The following TMTC1 variants were observed in gnomAD, a reference collection of about 807,000 sequenced individuals.
TMTC1 encodes the protein transmembrane O-mannosyltransferase targeting cadherins 1, also known as protein O-mannosyl-transferase TMTC1.
Under a neutral mutation model 104.8 loss-of-function variants are expected in TMTC1, and 73 were observed. The ratio of observed to expected loss-of-function variants is 0.70; its 90% CI spans 0.58 to 0.85. TMTC1 has a LOEUF of 0.85. Among genes scored for constraint, TMTC1 ranks in the 40% least tolerant of loss-of-function variants. The pLI, the probability that TMTC1 is intolerant of heterozygous loss-of-function variation, is 0.00. For synonymous variants in TMTC1, 434 were observed against 428.7 expected (o/e 1.01, Z -0.15); for missense variants, 1,035 against 1,096.1 (o/e 0.94, Z 0.79).
chr12:29,575,439 AAG>A (rs1349845825), intron 8 of TMTC1, among the ~76,000 whole-genome samples: 5 of 151,732 alleles, frequency 3.3e-5, no homozygotes, highest in Non-Finnish European at 7.4e-5. Flanking sequence ...GCCGTTGGGG[AAG>A]TATGTTAAGG....
chr12:29,661,445 C>T (rs1354880120), intron 5 of TMTC1: 31 of 400,762 alleles, frequency 7.7e-5, no homozygotes, highest in African/African-American at 5.3e-4. Context: ...TTTTTTGAGA[C>T]GGAGTTTTGC....
At chr12:29,616,149 T>C (rs140517225) in intron 6 of TMTC1, among the ~76,000 whole-genome samples, 31 of 152,342 alleles carry the variant, frequency 2.0e-4, no homozygotes, top group African/African-American at 7.0e-4. Flanking sequence ...AACCTAGTGC[T>C]TGTGAAATGC....
chr12:29,512,215 G>T, intron 16 of TMTC1, 95 bp from the exon 17 acceptor site: 1 of 974,354 alleles, frequency 1.0e-6, no homozygotes, highest in Non-Finnish European at 1.5e-6. Context: ...ATTTAAAGTA[G>T]TAATACAATG....
chr12:29,710,684 TAA>T (rs1941881036), intron 5 of TMTC1, among the ~76,000 whole-genome samples: 1 of 140,946 alleles, frequency 7.1e-6, no homozygotes, highest in Non-Finnish European at 1.5e-5. Flanking sequence ...TATATATTTA[TAA>T]TTTTATATAT....
chr12:29,643,829 TTATATATA>T (rs765197893), intron 5 of TMTC1, among the ~76,000 whole-genome samples: 5 of 75,292 alleles, frequency 6.6e-5, no homozygotes, highest in African/African-American at 2.6e-4. Flanking sequence ...ATTTATATAT[TTATATATA>T]TTTATATATT....
intron 6 of TMTC1, among the ~76,000 whole-genome samples, chr12:29,623,624 C>T (rs1019649966): frequency 6.6e-6 from 1 of 152,092 alleles, no homozygotes; most frequent in African/African-American, 2.4e-5. Context: ...ACAAGCCTGG[C>T]CAACTTGGCG....
intron 5 of TMTC1, among the ~76,000 whole-genome samples, chr12:29,676,730 A>C (rs1079365): frequency 0.28 from 42,867 of 152,092 alleles, 6,117 homozygotes; most frequent in East Asian, 0.34. Flanking sequence ...AAAAATCATG[A>C]TTGATCACCA....
chr12:29,588,528 T>A (rs1475985802), intron 7 of TMTC1, among the ~76,000 whole-genome samples: 1 of 152,170 alleles, frequency 6.6e-6, no homozygotes, highest in Non-Finnish European at 1.5e-5. Flanking sequence ...TTAACAAACA[T>A]TTAACTATGT....
rs773858665 is a variant in TMTC1, at chr12:29,512,130, T to C, written c.2431-10A>G. ...CAGCCACTCTATAGCTCTAAATAAA[T>C]AAGAAATATCCTCAGGTTAGGAAAC... On this transcript the variant is annotated splice_polypyrimidine_tract_variant and intron_variant, in intron 16 of 17. Coordinates refer to ENST00000539277, the MANE Select transcript of TMTC1 (RefSeq NM_001193451.2). 6 of 1,600,594 alleles carry C rather than the reference T, an allele frequency of 3.7e-6. No homozygotes were observed. Among genetic ancestry groups the C allele is most frequent in the Middle Eastern group, 1.7e-4 (1 of 5,996 alleles).
chr12:29,663,189 C>G (rs973315947), intron 5 of TMTC1, among the ~76,000 whole-genome samples: 3 of 152,196 alleles, frequency 2.0e-5, no homozygotes, highest in African/African-American at 7.2e-5. Flanking sequence ...GCGTCCTTCT[C>G]TCAGCTCTGC....
At chr12:29,561,922 TAA>T (rs1315728698) in intron 9 of TMTC1, among the ~76,000 whole-genome samples, 1 of 152,114 alleles carries the variant, frequency 6.6e-6, no homozygotes, top group Admixed American at 6.6e-5. Context: ...GTTGAGAAAA[TAA>T]GAGTCCAAAA....
intron 10 of TMTC1, among the ~76,000 whole-genome samples, chr12:29,547,842 G>C (rs1171565653): frequency 6.6e-6 from 1 of 152,238 alleles, no homozygotes; most frequent in Admixed American, 6.5e-5. Flanking sequence ...GGTCGAAGAA[G>C]AGCAGATGTT....
intron 16 of TMTC1, among the ~76,000 whole-genome samples, chr12:29,512,708 T>TTTTAA (rs1943874354): frequency 6.6e-6 from 1 of 152,218 alleles, no homozygotes; most frequent in Non-Finnish European, 1.5e-5. Flanking sequence ...GAGAGTTACT[T>TTTTAA]ATCCCTCAAG....
At chr12:29,516,895 TATGA>T (rs1237784321) in intron 14 of TMTC1, among the ~76,000 whole-genome samples, 2 of 152,214 alleles carry the variant, frequency 1.3e-5, no homozygotes, top group African/African-American at 4.8e-5. Context: ...ATTTTGTTGG[TATGA>T]ATGTTAATTT....
At chr12:29,594,118 C>T (rs1327010750) in intron 7 of TMTC1, among the ~76,000 whole-genome samples, 2 of 152,158 alleles carry the variant, frequency 1.3e-5, no homozygotes, top group Non-Finnish European at 2.9e-5. Context: ...CGCGTGGTCT[C>T]AATTATTAAT....
At chr12:29,528,716 C>A (rs1326041740) in intron 11 of TMTC1, among the ~76,000 whole-genome samples, 1 of 152,080 alleles carries the variant, frequency 6.6e-6, no homozygotes, top group Non-Finnish European at 1.5e-5. Context: ...AAATTCTCAA[C>A]CTTCTTAATT....
At chr12:29,675,915 C>G (rs556486981) in intron 5 of TMTC1, among the ~76,000 whole-genome samples, 6 of 152,198 alleles carry the variant, frequency 3.9e-5, no homozygotes, top group Admixed American at 1.3e-4. Context: ...GAGTCCCCCT[C>G]TGTGTGCAAT....
chr12:29,612,434 G>A (rs777908934), intron 6 of TMTC1, among the ~76,000 whole-genome samples: 1 of 152,056 alleles, frequency 6.6e-6, no homozygotes, highest in Non-Finnish European at 1.5e-5. Context: ...TTTGAGACAG[G>A]GTCTTGCTCT....
At chr12:29,634,703 G>A (rs1938465691) in intron 5 of TMTC1, among the ~76,000 whole-genome samples, 1 of 152,212 alleles carries the variant, frequency 6.6e-6, no homozygotes, top group Non-Finnish European at 1.5e-5. Flanking sequence ...AGGACATACT[G>A]AATTAAAAAG....
Sources: gnomAD v4.1 joint callset for allele counts (sites outside exome capture counted in the v4.1 genomes callset) on GRCh38, gnomAD v4.1.1 for gene constraint, MANE v1.5 for transcripts, NCBI Gene and HGNC (gene_info 2026-07-23, HGNC 2026-07-21) for gene names.